Variants in KCNQ5 observed in about 807,000 individuals in gnomAD.
KCNQ5 encodes potassium voltage-gated channel subfamily KQT member 5.
In KCNQ5, 30 loss-of-function variants were observed where a neutral mutation model predicts 98.2. The ratio of observed to expected loss-of-function variants is 0.31; its 90% CI spans 0.23 to 0.41. The LOEUF (loss-of-function observed/expected upper bound fraction) is 0.41. Among genes scored for constraint, KCNQ5 ranks in the 10% least tolerant of loss-of-function variants. The pLI is 1.00. For synonymous variants in KCNQ5, 458 were observed against 449.4 expected (o/e 1.02, Z -0.24); for missense variants, 835 against 1,182.5 (o/e 0.71, Z 4.31).
At chr6:72,718,341 C>T (rs1769758306) in intron 1 of KCNQ5, among the ~76,000 whole-genome samples, 1 of 151,996 alleles carries the variant, frequency 6.6e-6, no homozygotes, top group African/African-American at 2.4e-5. Flanking sequence ...GCCAGTTTTC[C>T]ACCTGCAGTT....
intron 1 of KCNQ5, among the ~76,000 whole-genome samples, chr6:72,933,478 G>A (rs945369053): frequency 1.3e-5 from 2 of 152,122 alleles, no homozygotes; most frequent in African/African-American, 4.8e-5. Context: ...TTCTTCTGGA[G>A]ATTTGCACCT....
At chr6:72,894,350 G>A (rs756676777) in intron 1 of KCNQ5, among the ~76,000 whole-genome samples, 5 of 152,126 alleles carry the variant, frequency 3.3e-5, no homozygotes, top group Non-Finnish European at 5.9e-5. Context: ...TTTCTCTGCC[G>A]GCATTCAGCC....
chr6:72,795,812 T>C (rs1188271685), intron 1 of KCNQ5, among the ~76,000 whole-genome samples: 1 of 152,194 alleles, frequency 6.6e-6, no homozygotes, highest in African/African-American at 2.4e-5. Context: ...TTCTAAAGTC[T>C]CTATTATTAT....
chr6:73,123,629 T>G (rs1363946123), intron 8 of KCNQ5, among the ~76,000 whole-genome samples: 2 of 152,190 alleles, frequency 1.3e-5, no homozygotes, highest in African/African-American at 4.8e-5. Context: ...GAAGGATGTA[T>G]AGAAGCAAGT....
intron 5 of KCNQ5, among the ~76,000 whole-genome samples, chr6:73,094,227 C>T (rs935208962): frequency 7.9e-5 from 12 of 152,120 alleles, no homozygotes; most frequent in African/African-American, 2.9e-4. Context: ...CTCCCGTTTG[C>T]TTTTGGTGTC....
intron 1 of KCNQ5, among the ~76,000 whole-genome samples, chr6:72,734,464 G>A (rs1770720064): frequency 6.6e-6 from 1 of 152,024 alleles, no homozygotes; most frequent in Admixed American, 6.6e-5. Context: ...TGGGACTACA[G>A]GCACCCACCA....
chr6:73,152,004 T>C (rs552723197), intron 10 of KCNQ5, among the ~76,000 whole-genome samples: 11 of 152,276 alleles, frequency 7.2e-5, no homozygotes, highest in African/African-American at 2.6e-4. Context: ...GAATTTTCCT[T>C]CCCTGTCACC....
At chr6:72,804,267 TTCTA>T (rs967776899) in intron 1 of KCNQ5, among the ~76,000 whole-genome samples, 3 of 152,116 alleles carry the variant, frequency 2.0e-5, no homozygotes, top group African/African-American at 7.2e-5. Flanking sequence ...GTTTTATTTA[TTCTA>T]TCTAACTATA....
chr6:72,901,132 C>A (rs1249053355), intron 1 of KCNQ5, among the ~76,000 whole-genome samples: 125 of 131,894 alleles, frequency 9.5e-4, no homozygotes, highest in Non-Finnish European at 1.9e-4. Flanking sequence ...CCCCCTCCCC[C>A]CTCCCCCGAC....
rs115516812 is a variant in KCNQ5 at position 72,768,261 on chromosome 6, G to A, written c.398+145674G>A. ...GAGGCTGAATACAAGGAGACCAGAT[G>A]ACTGACTATTGAGTTTGGTGGCCTG... On this transcript the variant is annotated intron_variant, in intron 1 of 13. Coordinates refer to ENST00000370398, the MANE Select transcript of KCNQ5 (RefSeq NM_019842.4). Among the ~76,000 whole-genome samples, 408 of 151,944 alleles carry A rather than the reference G, an allele frequency of 2.7e-3. 2 individuals carry two copies. The highest frequency in any genetic ancestry group is 9.3e-3 in the African/African-American group (387 of 41,500).
In KCNQ5 at chr6:72,698,636, T is replaced by C. The variant is rs138919115; in HGVS notation, c.398+76049T>C. On this transcript the variant is annotated intron_variant, in intron 1 of 13. Transcript: ENST00000370398. ...TAATTTGGAAGTAAATCTGTGTTTT[T>C]TTCTTCTTCTTCTTTTTTTTTTTTT... Among the ~76,000 whole-genome samples, 361 of 121,174 alleles carry C rather than the reference T, an allele frequency of 3.0e-3. 1 individual carries two copies. The highest frequency in any genetic ancestry group is 4.3e-3 in the Non-Finnish European group (270 of 62,448). The allele number at this position is 121,174 out of a possible 152,430, so 79.5% of individuals were successfully genotyped here. A position where few individuals can be genotyped will look rare whatever the true frequency, so the allele number is the denominator to read the frequency against.
chr6:73,157,125 C>T (rs546881532), intron 10 of KCNQ5, among the ~76,000 whole-genome samples: 18 of 152,346 alleles, frequency 1.2e-4, no homozygotes, highest in South Asian at 1.0e-3. Context: ...TATACACAAG[C>T]GTAAGCGTCT....
At chr6:72,661,297 T>C (rs925248814) in intron 1 of KCNQ5, among the ~76,000 whole-genome samples, 5 of 152,092 alleles carry the variant, frequency 3.3e-5, no homozygotes, top group African/African-American at 1.2e-4. Context: ...CATGAGTTTC[T>C]ATCTTAAAGT....
intron 1 of KCNQ5, among the ~76,000 whole-genome samples, chr6:72,854,289 T>C (rs1420911712): frequency 6.6e-6 from 1 of 152,146 alleles, no homozygotes; most frequent in African/African-American, 2.4e-5. Flanking sequence ...TAAAATTTGG[T>C]TGTATTGAAC....
At chr6:72,694,411 G>A (rs960846327) in intron 1 of KCNQ5, among the ~76,000 whole-genome samples, 1 of 152,170 alleles carries the variant, frequency 6.6e-6, no homozygotes, top group African/African-American at 2.4e-5. Context: ...CTTTGTGCCT[G>A]TCCTTTCTTC....
intron 1 of KCNQ5, among the ~76,000 whole-genome samples, chr6:72,810,015 T>C (rs1157978612): frequency 6.6e-6 from 1 of 152,174 alleles, no homozygotes; most frequent in Non-Finnish European, 1.5e-5. Context: ...AGAAATAGCC[T>C]CTGATAAAAG....
intron 1 of KCNQ5, among the ~76,000 whole-genome samples, chr6:72,984,133 G>C (rs1768620127): frequency 1.3e-5 from 2 of 152,192 alleles, no homozygotes; most frequent in Non-Finnish European, 2.9e-5. Flanking sequence ...GCCCCTACTG[G>C]GAGCTGTCTC....
intron 1 of KCNQ5, among the ~76,000 whole-genome samples, chr6:72,766,640 A>T (rs1033404143): frequency 6.6e-6 from 1 of 151,994 alleles, no homozygotes; most frequent in Admixed American, 6.6e-5. Flanking sequence ...AACACTTTCT[A>T]TGTTGGATAT....
chr6:72,902,385 A>C (rs1159992772), intron 1 of KCNQ5, among the ~76,000 whole-genome samples: 1 of 152,168 alleles, frequency 6.6e-6, no homozygotes, highest in Admixed American at 6.5e-5. Context: ...TATGTTGAAG[A>C]GGAGTGGTGA....
Sources: allele counts gnomAD v4.1 joint callset (sites outside exome capture counted in the v4.1 genomes callset), GRCh38; gene constraint gnomAD v4.1.1; transcripts MANE v1.5; gene names NCBI Gene and HGNC (gene_info 2026-07-23, HGNC 2026-07-21).